KCNG2: variants seen among roughly 807,000 people sequenced by gnomAD.
The protein encoded by KCNG2 is potassium voltage-gated channel modifier subfamily G member 2.
Under a neutral mutation model 12.3 loss-of-function variants are expected in KCNG2, and 7 were observed. The observed-to-expected ratio is 0.57, with a 90% CI of 0.32 to 1.07. The LOEUF (loss-of-function observed/expected upper bound fraction) is 1.07. Among genes scored for constraint, KCNG2 ranks in the 50% least tolerant of loss-of-function variants. The probability of loss-of-function intolerance (pLI) is 0.04; values close to 1 mark genes in which losing one functional copy is unlikely to be tolerated. For missense variants in KCNG2, 703 were observed against 726.0 expected, an observed-to-expected ratio of 0.97 and a Z score of 0.36; for synonymous variants, 414 against 351.4, an observed-to-expected ratio of 1.18 and a Z score of -1.99.
chr18:79,832,363 A>G (rs72980036), intron 1 of KCNG2, among the ~76,000 whole-genome samples: 13,602 of 137,390 alleles, frequency 0.099, 831 homozygotes, highest in African/African-American at 0.19. Context: ...TCACCTGTCC[A>G]TCCTCACCTG....
chr18:79,820,628 T>TA (rs970182712), intron 1 of KCNG2, among the ~76,000 whole-genome samples: 25 of 152,228 alleles, frequency 1.6e-4, no homozygotes, highest in Non-Finnish European at 2.8e-4. Flanking sequence ...GTACATTTTT[T>TA]AAAAAAAGGC....
In KCNG2 at chr18:79,800,272, A is replaced by T. The variant is rs2087397980; in HGVS notation, c.-115+2258A>T. The stretch of plus-strand genomic sequence containing the variant: ...ATCCAGGGACGGCCACCTGTGTCTG[A>T]GTACTGCGCGCCTGTCCACGGATGG... On this transcript the variant is annotated intron_variant, in intron 1 of 3. Transcript: ENST00000316249. The surrounding 1 kb of genome is among the most constrained non-coding windows in gnomAD (Gnocchi z 4.0). Among the ~76,000 whole-genome samples the T allele has an allele frequency of 6.6e-6, 1 of 151,960 alleles. No homozygotes were observed. Among genetic ancestry groups the T allele is most frequent in the Non-Finnish European group, 1.5e-5 (1 of 67,988 alleles).
chr18:79,885,493 C>T (rs1599430661), intron 3 of KCNG2, among the ~76,000 whole-genome samples: 1 of 152,334 alleles, frequency 6.6e-6, no homozygotes, highest in African/African-American at 2.4e-5. Context: ...TCTGTGGCTG[C>T]AGCTGCACTG....
intron 1 of KCNG2, among the ~76,000 whole-genome samples, chr18:79,821,536 C>G (rs895385127): frequency 6.6e-6 from 1 of 152,056 alleles, no homozygotes; most frequent in Non-Finnish European, 1.5e-5. Context: ...GTTGTCCACC[C>G]GCCTCGGCCT....
chr18:79,814,357 CACA>C (rs2087513207), intron 1 of KCNG2, among the ~76,000 whole-genome samples: 1 of 152,206 alleles, frequency 6.6e-6, no homozygotes, highest in South Asian at 2.1e-4. Flanking sequence ...GAGACCCTTC[CACA>C]GGTGATAGTT....
chr18:79,887,563 AC>A (rs1311262755), intron 3 of KCNG2, among the ~76,000 whole-genome samples: 1 of 151,086 alleles, frequency 6.6e-6, no homozygotes. Flanking sequence ...CTTTCTAACC[AC>A]CCCCCAGCTG....
intron 1 of KCNG2, among the ~76,000 whole-genome samples, chr18:79,825,852 G>C (rs1465583348): frequency 6.6e-6 from 1 of 152,214 alleles, no homozygotes. Flanking sequence ...TGACCTGACC[G>C]TGCACTGTCA....
At chr18:79,821,197 C>A (rs953003273) in intron 1 of KCNG2, among the ~76,000 whole-genome samples, 3 of 151,926 alleles carry the variant, frequency 2.0e-5, no homozygotes, top group African/African-American at 7.3e-5. Flanking sequence ...TTGCCAAATC[C>A]AACATCATGA....
chr18:79,838,904 A>C (rs968403438), intron 1 of KCNG2, among the ~76,000 whole-genome samples: 6 of 152,240 alleles, frequency 3.9e-5, no homozygotes, highest in Non-Finnish European at 7.3e-5. Flanking sequence ...AGCAAGTAGA[A>C]GGAATGAAAT....
intron 1 of KCNG2, among the ~76,000 whole-genome samples, chr18:79,804,208 G>C (rs1455827776): frequency 6.6e-6 from 1 of 152,204 alleles, no homozygotes; most frequent in Non-Finnish European, 1.5e-5. Flanking sequence ...TTTCCCAAAG[G>C]CTACAAGAAT....
intron 1 of KCNG2, among the ~76,000 whole-genome samples, chr18:79,817,877 A>G (rs1172306554): frequency 6.6e-6 from 1 of 152,164 alleles, no homozygotes; most frequent in African/African-American, 2.4e-5. Context: ...GAGCCCGTGG[A>G]AGCCCAGGTC....
chr18:79,883,069 G>A (rs1980381075), intron 3 of KCNG2, among the ~76,000 whole-genome samples: 1 of 152,246 alleles, frequency 6.6e-6, no homozygotes, highest in Non-Finnish European at 1.5e-5. Flanking sequence ...CGCGACGGCC[G>A]GTGCCAGATC....
At chr18:79,833,448 G>A (rs546603676) in intron 1 of KCNG2, among the ~76,000 whole-genome samples, 2 of 152,312 alleles carry the variant, frequency 1.3e-5, no homozygotes, top group East Asian at 3.9e-4. Context: ...GCCTCTTACT[G>A]CAGTTTGATT....
intron 2 of KCNG2, 39 bp from the exon 3 acceptor site, chr18:79,863,589 C>T: frequency 8.6e-7 from 1 of 1,156,090 alleles, no homozygotes; most frequent in Non-Finnish European, 1.1e-6. Flanking sequence ...TCCCCCAGCT[C>T]AGCCCTCGCG....
intron 3 of KCNG2, among the ~76,000 whole-genome samples, chr18:79,894,989 G>A (rs751111931): frequency 2.0e-5 from 3 of 151,466 alleles, no homozygotes; most frequent in Middle Eastern, 6.8e-3. Flanking sequence ...AGATTGGGTT[G>A]TTCACTCCAT....
intron 1 of KCNG2, among the ~76,000 whole-genome samples, chr18:79,841,840 G>A (rs1978468571): frequency 1.3e-5 from 2 of 152,164 alleles, no homozygotes; most frequent in South Asian, 4.1e-4. Context: ...ATGGAGCACA[G>A]GAATAAGGAA....
At chr18:79,832,245 C>T (rs1002625798) in intron 1 of KCNG2, among the ~76,000 whole-genome samples, 1 of 148,254 alleles carries the variant, frequency 6.7e-6, no homozygotes. Context: ...CCTGCTCATC[C>T]TCACCCGTGA....
At chr18:79,824,822 C>T (rs1054644330) in intron 1 of KCNG2, among the ~76,000 whole-genome samples, 4 of 152,174 alleles carry the variant, frequency 2.6e-5, no homozygotes, top group African/African-American at 7.2e-5. Context: ...TCTACTTTGT[C>T]GCAGTATTTT....
At chr18:79,860,635 CA>C (rs1390652271) in intron 2 of KCNG2, among the ~76,000 whole-genome samples, 6 of 151,700 alleles carry the variant, frequency 4.0e-5, no homozygotes, top group African/African-American at 1.5e-4. Context: ...TCATGTCTTG[CA>C]ACTTTGCTGA....
Sources: gnomAD v4.1 joint callset for allele counts (sites outside exome capture counted in the v4.1 genomes callset) on GRCh38, gnomAD v4.1.1 for gene constraint, Gnocchi (gnomAD v3.1) non-coding constraint, MANE v1.5 for transcripts, NCBI Gene and HGNC (gene_info 2026-07-23, HGNC 2026-07-21) for gene names.